The following ADGRL2 variants were observed in gnomAD, a reference collection of about 807,000 sequenced individuals.
ADGRL2 encodes the protein adhesion G protein-coupled receptor L2, also known as calcium-independent alpha-latrotoxin receptor 2.
A neutral mutation model predicts 157.4 loss-of-function variants in ADGRL2; 44 were observed. The ratio of observed to expected loss-of-function variants is 0.28; its 90% CI spans 0.22 to 0.36. The LOEUF is 0.36. Among genes scored for constraint, ADGRL2 ranks in the 10% least tolerant of loss-of-function variants. The pLI is 1.00. For synonymous variants in ADGRL2, 585 were observed against 624.7 expected (o/e 0.94, Z 0.95); for missense variants, 1,510 against 1,768.9 (o/e 0.85, Z 2.63).
intron 2 of ADGRL2, among the ~76,000 whole-genome samples, chr1:81,481,842 A>G (rs563510149): frequency 6.6e-6 from 1 of 152,048 alleles, no homozygotes; most frequent in Non-Finnish European, 1.5e-5. Context: ...CCTCTCCTTA[A>G]ATATGTAGCC....
chr1:81,728,865 G>T (rs903872555), intron 1 of ADGRL2, among the ~76,000 whole-genome samples: 4 of 152,044 alleles, frequency 2.6e-5, no homozygotes, highest in Non-Finnish European at 5.9e-5. Context: ...CCGAATAAGA[G>T]AATTAGATCC....
At chr1:81,711,319 TTGTC>T (rs1341905466) in intron 1 of ADGRL2, among the ~76,000 whole-genome samples, 2 of 152,180 alleles carry the variant, frequency 1.3e-5, no homozygotes, top group African/African-American at 4.8e-5. Context: ...TAACCATCGT[TTGTC>T]TGTCAGTTGC....
Position 81,907,001 on chromosome 1 carries a change from T to C in ADGRL2, c.74-16T>C. 2 of 1,596,536 alleles carry C rather than the reference T, an allele frequency of 1.3e-6. No homozygotes were observed. Among genetic ancestry groups the C allele is most frequent in the Non-Finnish European group, 1.7e-6 (2 of 1,165,694 alleles). ...AAATGAGTTACAGTTTAATTTTCTT[T>C]CTTTTTTATTTTAAGGTTTCAGCAG... On this transcript the variant is annotated splice_polypyrimidine_tract_variant and intron_variant, in intron 2 of 23. Coordinates refer to ENST00000686636, the MANE Select transcript of ADGRL2 (RefSeq NM_001366006.2).
chr1:81,474,949 A>G lies in ADGRL2; in HGVS notation c.-248+29860A>G, dbSNP rs957819220. On this transcript the variant is annotated intron_variant, in intron 2 of 24. Transcript: ENST00000370721. ...GGCAAAGATTTATGCTGCCACCAGT[A>G]TAGTTCCTAACCTTTTCTAAGAAAA... is the stretch of plus-strand genomic sequence containing the variant. Among the ~76,000 whole-genome samples, 5 of 152,178 alleles carry G rather than the reference A, an allele frequency of 3.3e-5. No homozygotes were observed. In the South Asian group the frequency reaches 6.2e-4, roughly 19 times the overall value.
In ADGRL2 at chr1:81,568,938, G is replaced by C. The variant is rs145989267; in HGVS notation, c.-247-11938G>C. ...TACAGATCTTATTTTTAGGTAGACT[G>C]ACAATAGCTTCTCAATTACTTGCTT... On this transcript the variant is annotated intron_variant, in intron 2 of 24. Coordinates refer to the ADGRL2 transcript ENST00000370721. Among the ~76,000 whole-genome samples the C allele has an allele frequency of 3.1e-3, 472 of 152,182 alleles. 3 individuals carry two copies. Among genetic ancestry groups the C allele is most frequent in the African/African-American group, 0.011 (441 of 41,530 alleles).
At chr1:81,840,610 T>C (rs2092535275) in intron 2 of ADGRL2, among the ~76,000 whole-genome samples, 2 of 152,158 alleles carry the variant, frequency 1.3e-5, no homozygotes, top group African/African-American at 4.8e-5. Flanking sequence ...TATCTCTATT[T>C]TGAATCAAGT....
intron 1 of ADGRL2, among the ~76,000 whole-genome samples, chr1:81,407,434 A>G (rs75296599): frequency 0.094 from 14,247 of 152,298 alleles, 806 homozygotes; most frequent in East Asian, 0.22. Flanking sequence ...GCTCTGATGT[A>G]TGGTGTATAA....
chr1:81,352,601 G>A (rs1662978721), intron 1 of ADGRL2, among the ~76,000 whole-genome samples: 1 of 152,076 alleles, frequency 6.6e-6, no homozygotes, highest in South Asian at 2.1e-4. Context: ...TAAGACAATG[G>A]CGATTAAATA....
chr1:81,653,686 C>T (rs922387992), intron 3 of ADGRL2, among the ~76,000 whole-genome samples: 1 of 151,944 alleles, frequency 6.6e-6, no homozygotes, highest in Admixed American at 6.6e-5. Context: ...TTTTAATGTA[C>T]AGAAGCGTGT....
chr1:81,539,905 A>G (rs1216189237), intron 2 of ADGRL2, among the ~76,000 whole-genome samples: 3 of 152,132 alleles, frequency 2.0e-5, no homozygotes, highest in Non-Finnish European at 4.4e-5. Context: ...TCTAGAACTT[A>G]GTGTTTTTAT....
chr1:81,987,316 A>G, intron 22 of ADGRL2: 1 of 1,587,738 alleles, frequency 6.3e-7, no homozygotes, highest in Non-Finnish European at 8.6e-7. Context: ...CTGAGAGCCC[A>G]TCTTCAAGAT....
At chr1:81,762,128 T>G (rs1175837342) in intron 2 of ADGRL2, among the ~76,000 whole-genome samples, 2 of 152,132 alleles carry the variant, frequency 1.3e-5, no homozygotes, top group Non-Finnish European at 2.9e-5. Context: ...ACATTTTGTT[T>G]TCTGGGGTAA....
Position 81,960,055 on chromosome 1 carries a change from C to T in ADGRL2, c.2017+3995C>T, listed in dbSNP as rs1654834976. Among the ~76,000 whole-genome samples the T allele has an allele frequency of 2.6e-5, 4 of 152,194 alleles. No individual in the cohort carries two copies. The South Asian group carries it at 8.3e-4, about 32-fold the overall frequency. ...CCTAAGGTGATCCACCCACCTTGGCCTCCCAAAGCGCTGGGATTACAGGCA... is the reference window on the plus strand; with the variant it reads ...CCTAAGGTGATCCACCCACCTTGGCTTCCCAAAGCGCTGGGATTACAGGCA... On this transcript the variant is annotated intron_variant, in intron 11 of 23. Transcript: ENST00000686636.
intron 1 of ADGRL2, among the ~76,000 whole-genome samples, chr1:81,804,292 T>C (rs1452520734): frequency 6.6e-6 from 1 of 152,206 alleles, no homozygotes; most frequent in East Asian, 1.9e-4. Flanking sequence ...TTCTGTTGTT[T>C]AGTTTCTTCA....
intron 2 of ADGRL2, among the ~76,000 whole-genome samples, chr1:81,898,322 G>A (rs945829427): frequency 4.6e-5 from 7 of 152,192 alleles, no homozygotes; most frequent in East Asian, 1.9e-4. Context: ...TTCTAGGCCA[G>A]TGTGCTTATT....
chr1:81,521,773 G>A (rs1227325982), intron 2 of ADGRL2, among the ~76,000 whole-genome samples: 4 of 152,096 alleles, frequency 2.6e-5, no homozygotes, highest in Admixed American at 2.6e-4. Flanking sequence ...CTGAGACATG[G>A]GAAAAGATGA....
At chr1:81,891,992 G>A (rs1207348983) in intron 2 of ADGRL2, among the ~76,000 whole-genome samples, 1 of 151,850 alleles carries the variant, frequency 6.6e-6, no homozygotes, top group African/African-American at 2.4e-5. Context: ...GTATGTGTGT[G>A]TGGTTTTATT....
At chr1:81,759,699 A>T (rs1190112338) in intron 1 of ADGRL2, among the ~76,000 whole-genome samples, 1 of 152,120 alleles carries the variant, frequency 6.6e-6, no homozygotes, top group Non-Finnish European at 1.5e-5. Context: ...CTGCTGTATT[A>T]CTGAAGCTTG....
At chr1:81,686,747 T>G (rs1377375117) in intron 3 of ADGRL2, among the ~76,000 whole-genome samples, 2 of 152,192 alleles carry the variant, frequency 1.3e-5, no homozygotes, top group Non-Finnish European at 2.9e-5. Flanking sequence ...TTGTGCTCTT[T>G]CAGACTTCTT....
Sources: allele counts gnomAD v4.1 joint callset (sites outside exome capture counted in the v4.1 genomes callset), GRCh38; gene constraint gnomAD v4.1.1; transcripts MANE v1.5; gene names NCBI Gene and HGNC (gene_info 2026-07-23, HGNC 2026-07-21).